The following CDH4 variants were observed in gnomAD, a reference collection of about 807,000 sequenced individuals.
The protein encoded by CDH4 is cadherin 4, also known as cadherin-4.
CDH4 carries 33 observed loss-of-function variants against 86.0 expected under a neutral mutation model. The observed-to-expected ratio is 0.38, with a 90% CI of 0.29 to 0.51. The LOEUF (loss-of-function observed/expected upper bound fraction) is 0.51, where lower values mean the gene tolerates loss of function less well. CDH4 is among the 20% of genes least tolerant of loss of function. The probability of loss-of-function intolerance (pLI) is 0.86; values close to 1 mark genes in which losing one functional copy is unlikely to be tolerated. For synonymous variants in CDH4, 555 were observed against 549.4 expected (o/e 1.01, Z -0.14); for missense variants, 1,114 against 1,307.4 (o/e 0.85, Z 2.28).
At position 61,879,225 on chromosome 20, in the gene CDH4, G is replaced by A. The variant is rs1056256433; in HGVS notation, c.1050+5325G>A. The stretch of plus-strand genomic sequence containing the variant: ...GCCCCCCTGGGCCCAGGCCTGCTGA[G>A]CCCGAGAAGCTGATTTCTGTCTGGC... On this transcript the variant is annotated intron_variant, in intron 7 of 15. Transcript: ENST00000614565. The surrounding 1 kb of genome is among the most constrained non-coding windows in gnomAD (Gnocchi z 4.1). Among the ~76,000 whole-genome samples the A allele has an allele frequency of 1.3e-5, 2 of 152,206 alleles. 1 individual carries two copies. Among genetic ancestry groups the A allele is most frequent in the Admixed American group, 1.3e-4 (2 of 15,280 alleles).
chr20:61,762,766 G>A (rs1171936124), intron 3 of CDH4, among the ~76,000 whole-genome samples: 2 of 152,220 alleles, frequency 1.3e-5, no homozygotes, highest in Non-Finnish European at 2.9e-5. Context: ...ACAGGGCTAT[G>A]CTGCCTATCA....
chr20:61,421,941 C>T (rs75034187), intron 2 of CDH4, among the ~76,000 whole-genome samples: 11 of 152,302 alleles, frequency 7.2e-5, no homozygotes, highest in South Asian at 4.1e-4. Context: ...TTCCTCACCA[C>T]GCAAGCCTTG....
intron 2 of CDH4, among the ~76,000 whole-genome samples, chr20:61,362,778 G>A (rs1210023911): frequency 6.6e-6 from 1 of 152,136 alleles, no homozygotes; most frequent in Non-Finnish European, 1.5e-5. Context: ...AGGGAAGGAA[G>A]GAGGTGGCGA....
chr20:61,370,270 C>G (rs1036303905), intron 2 of CDH4: 1 of 152,458 alleles, frequency 6.6e-6, no homozygotes, highest in Admixed American at 6.6e-5. Context: ...CTGGGGGTGG[C>G]TGTTGCCTGT....
intron 4 of CDH4, among the ~76,000 whole-genome samples, chr20:61,773,978 G>A (rs1006018582): frequency 6.6e-6 from 1 of 152,194 alleles, no homozygotes; most frequent in Non-Finnish European, 1.5e-5. Flanking sequence ...ACCAGGCAGG[G>A]TCCCCCCAAT....
At chr20:61,908,466 T>C (rs1401330747) in intron 8 of CDH4, among the ~76,000 whole-genome samples, 1 of 152,008 alleles carries the variant, frequency 6.6e-6, no homozygotes, top group Non-Finnish European at 1.5e-5. Context: ...GTGGGTCGGG[T>C]GAATCTGCGC....
In CDH4 at chr20:61,807,768, G is replaced by C. The variant is rs1159829239; in HGVS notation, c.576+34586G>C. 6.6e-6 allele frequency among the ~76,000 whole-genome samples: 1 copy of C among 152,216 alleles called. No individual in the cohort carries two copies. Among genetic ancestry groups the C allele is most frequent in the Non-Finnish European group, 1.5e-5 (1 of 68,042 alleles). ...CGCCAGTAGGAGGCCCAGCTAGCTG[G>C]GAGTTCTGAAATATAGGAAGGGAAG... On this transcript the variant is annotated intron_variant, in intron 4 of 15. Transcript: ENST00000614565. The surrounding 1 kb of genome is among the most constrained non-coding windows in gnomAD (Gnocchi z 4.5).
In CDH4 at chr20:61,924,435, A is replaced by T. The variant is rs1487461682; in HGVS notation, c.1730A>T (p.Lys577Ile). The T allele has an allele frequency of 6.2e-7, 1 of 1,613,660 alleles. No individual in the cohort carries two copies. The highest frequency in any genetic ancestry group is 1.1e-5 in the South Asian group (1 of 91,064). Residue 577 changes from lysine (K) to isoleucine (I), a missense_variant, in exon 11 of 16, where the codon AAA becomes ATA. Around this residue, in one of 3 missense-constraint regions of CDH4, gnomAD observed 705 missense variants for 914.1 expected, o/e 0.77. Transcript: ENST00000614565. Reference protein sequence around the residue: ...AVLDRESLYTKNNVYEATFLA... With the variant: ...AVLDRESLYTINNVYEATFLA... The stretch of plus-strand genomic sequence containing the variant: ...CTGGACCGTGAGTCCCTCTACACCA[A>T]AAACAACGTCTACGAGGCCACCTTC...
intron 7 of CDH4, among the ~76,000 whole-genome samples, chr20:61,884,279 G>A (rs1485337783): frequency 6.6e-6 from 1 of 152,200 alleles, no homozygotes; most frequent in African/African-American, 2.4e-5. Context: ...GCACGTCACT[G>A]TCCTGGCTGT....
At position 61,479,205 on chromosome 20, in the gene CDH4, G is replaced by GT. The variant is rs750185786; in HGVS notation, c.169+224277dup. Among the ~76,000 whole-genome samples the GT allele has an allele frequency of 3.6e-3, 540 of 150,814 alleles. 8 individuals are homozygous for GT. The highest frequency in any genetic ancestry group is 0.01 in the African/African-American group (420 of 41,004). ...TTGTTTTTTTGTTTTATGCAAGGGT[G>GT]TTTTTTTTTAAATACTTTAAGTTCT... On this transcript the variant is annotated intron_variant, in intron 2 of 15. Coordinates refer to ENST00000614565, the MANE Select transcript of CDH4 (RefSeq NM_001794.5).
In CDH4 at chr20:61,254,849, T is replaced by C. The variant is rs768006440; in HGVS notation, c.81T>C (p.Thr27=). 7.5e-6 allele frequency: 12 copies of C among 1,609,756 alleles called. No individual in the cohort carries two copies. The South Asian group carries it at 1.3e-4, about 18-fold the overall frequency. ...ALRAHNEDLT[T]RETCKAGFSE... is the part of the protein sequence containing the mutation. ...AGGCCCATAATGAGGATCTTACAACTAGAGAGACCTGCAAGGCTGGGTTCT... is the reference window on the plus strand; with the variant it reads ...AGGCCCATAATGAGGATCTTACAACCAGAGAGACCTGCAAGGCTGGGTTCT... The change falls in exon 2 of 16, where the codon ACT becomes ACC. Residue 27 remains threonine, a synonymous_variant. Coordinates refer to ENST00000614565, the MANE Select transcript of CDH4 (RefSeq NM_001794.5).
At chr20:61,499,846 C>T (rs1178632563) in intron 2 of CDH4, among the ~76,000 whole-genome samples, 1 of 152,218 alleles carries the variant, frequency 6.6e-6, no homozygotes, top group Non-Finnish European at 1.5e-5. Context: ...TGCACTCCCC[C>T]AGCCTGTACC....
chr20:61,740,245 G>T (rs2088317281), intron 2 of CDH4, among the ~76,000 whole-genome samples: 1 of 152,156 alleles, frequency 6.6e-6, no homozygotes, highest in Non-Finnish European at 1.5e-5. Flanking sequence ...AATTCACAAG[G>T]AAAGACAAAT....
intron 6 of CDH4, among the ~76,000 whole-genome samples, chr20:61,862,011 C>T (rs571559156): frequency 7.2e-5 from 11 of 152,320 alleles, no homozygotes; most frequent in Admixed American, 1.3e-4. Context: ...CCACTGTGAA[C>T]GGGAAGCGCC....
At chr20:61,261,171 T>C (rs542336934) in intron 2 of CDH4, among the ~76,000 whole-genome samples, 62 of 152,182 alleles carry the variant, frequency 4.1e-4, no homozygotes, top group African/African-American at 1.3e-3. Context: ...TGCCCCAGAT[T>C]CCTAAGTCAG....
intron 2 of CDH4, among the ~76,000 whole-genome samples, chr20:61,558,463 G>T (rs543901332): frequency 1.3e-5 from 2 of 152,262 alleles, no homozygotes; most frequent in East Asian, 3.9e-4. Flanking sequence ...AATGCAAAGG[G>T]GATAGAAGAG....
intron 2 of CDH4, among the ~76,000 whole-genome samples, chr20:61,329,349 C>CCCA (rs1568799915): frequency 6.6e-6 from 1 of 150,832 alleles, no homozygotes; most frequent in African/African-American, 2.4e-5. Flanking sequence ...TCATGGTTCC[C>CCCA]TCGTGGGTCT....
In CDH4 at chr20:61,708,553, C is replaced by T. The variant is rs2087857339; in HGVS notation, c.170-35010C>T. Among the ~76,000 whole-genome samples, 1 of 152,146 alleles carries T rather than the reference C, an allele frequency of 6.6e-6. No individual in the cohort carries two copies. The highest frequency in any genetic ancestry group is 2.4e-5 in the African/African-American group (1 of 41,430). ...GACTCGTAGCCGGTGGCTGCAGGCT[C>T]TTTGCCCCCCACTTCCCCAGCCCTG... is the stretch of plus-strand genomic sequence containing the variant. On this transcript the variant is annotated intron_variant, in intron 2 of 15. Transcript: ENST00000614565. This position sits in a 1 kb window ranked among gnomAD's most constrained non-coding sequence, Gnocchi z 4.5.
At chr20:61,366,674 C>T (rs181214367) in intron 2 of CDH4, among the ~76,000 whole-genome samples, 50 of 152,356 alleles carry the variant, frequency 3.3e-4, no homozygotes, top group Non-Finnish European at 2.9e-5. Context: ...ACAGATCGCT[C>T]ATGCAATTGT....
Sources: allele counts gnomAD v4.1 joint callset (sites outside exome capture counted in the v4.1 genomes callset), GRCh38; gene constraint gnomAD v4.1.1; regional missense constraint gnomAD v4.1.1; non-coding constraint Gnocchi (gnomAD v3.1); transcripts MANE v1.5; gene names NCBI Gene and HGNC (gene_info 2026-07-23, HGNC 2026-07-21).